The following KLF12 variants were observed in gnomAD, a reference collection of about 807,000 sequenced individuals.
The protein encoded by KLF12 is Krueppel-like factor 12.
Under a neutral mutation model 37.8 loss-of-function variants are expected in KLF12, and 9 were observed. The ratio of observed to expected loss-of-function variants is 0.24; its 90% confidence interval spans 0.14 to 0.42. The LOEUF is 0.42. KLF12 is among the 10% of genes least tolerant of loss of function. The pLI, the probability that KLF12 is intolerant of heterozygous loss-of-function variation, is 1.00. For missense variants in KLF12, 411 were observed against 516.0 expected (o/e 0.80, Z 1.97); for synonymous variants, 208 against 202.1 (o/e 1.03, Z -0.25).
intron 2 of KLF12, among the ~76,000 whole-genome samples, chr13:73,983,663 C>T (rs1185638946): frequency 6.6e-6 from 1 of 152,196 alleles, no homozygotes; most frequent in Non-Finnish European, 1.5e-5. Context: ...CAGAATCCTC[C>T]TTTTCCTCAT....
At chr13:74,046,451 T>C (rs989122927) in intron 1 of KLF12, among the ~76,000 whole-genome samples, 1 of 152,022 alleles carries the variant, frequency 6.6e-6, no homozygotes, top group African/African-American at 2.4e-5. Flanking sequence ...ATAAATATTA[T>C]AGGCTTTCAT....
intron 3 of KLF12, among the ~76,000 whole-genome samples, chr13:73,887,348 G>C (rs116882812): frequency 6.6e-6 from 1 of 152,156 alleles, no homozygotes; most frequent in Non-Finnish European, 1.5e-5. Flanking sequence ...GGGCCTGGTG[G>C]GAGCTAACTG....
chr13:73,998,032 C>T (rs1401718395), intron 1 of KLF12, among the ~76,000 whole-genome samples: 1 of 152,080 alleles, frequency 6.6e-6, no homozygotes, highest in African/African-American at 2.4e-5. Context: ...TTTTTAAATT[C>T]TTTCCTTTCT....
At chr13:74,134,819 G>T (rs192521794), upstream of KLF12, among the ~76,000 whole-genome samples, 1 of 151,778 alleles carries the variant, frequency 6.6e-6, no homozygotes, top group Admixed American at 6.5e-5. Context: ...CGTGCAGCCC[G>T]CTTGGGCCCC....
intron 1 of KLF12, among the ~76,000 whole-genome samples, chr13:74,058,718 A>G (rs1873403581): frequency 6.6e-6 from 1 of 152,184 alleles, no homozygotes; most frequent in Non-Finnish European, 1.5e-5. Flanking sequence ...AGTGTAAAAG[A>G]AGGAAAGACA....
the KLF12 span, among the ~76,000 whole-genome samples, chr13:74,206,828 G>T: frequency 1.3e-5 from 2 of 152,148 alleles, no homozygotes; most frequent in African/African-American, 2.4e-5. Context: ...AGAACAATGT[G>T]AATTGAAAGC....
At chr13:74,033,671 C>A (rs1398250493) in intron 1 of KLF12, among the ~76,000 whole-genome samples, 2 of 152,172 alleles carry the variant, frequency 1.3e-5, no homozygotes, top group African/African-American at 4.8e-5. Flanking sequence ...CAATGTGCCA[C>A]ATTTATGTAA....
In KLF12 at chr13:73,937,909, TA is replaced by T. The variant is rs950280946; in HGVS notation, c.123+6071del. ...GCAAGAGCAGATATTTCTTTCCGCT[TA>T]AAAAAAAAAATGGTCTTCTCACATT... On this transcript the variant is annotated intron_variant, in intron 3 of 7. Transcript: ENST00000377669. 4.7e-3 allele frequency among the ~76,000 whole-genome samples: 693 copies of T among 147,920 alleles called. 5 individuals carry two copies. Among genetic ancestry groups the T allele is most frequent in the Non-Finnish European group, 4.0e-3 (269 of 66,616 alleles).
At chr13:73,883,694 C>T (rs571110173) in intron 3 of KLF12, among the ~76,000 whole-genome samples, 8 of 152,068 alleles carry the variant, frequency 5.3e-5, no homozygotes, top group Non-Finnish European at 1.0e-4. Context: ...AGCTTATAAC[C>T]CAGTGTGACA....
intron 1 of KLF12, among the ~76,000 whole-genome samples, chr13:74,116,644 A>G (rs917075012): frequency 6.6e-6 from 1 of 152,210 alleles, no homozygotes; most frequent in African/African-American, 2.4e-5. Context: ...TTAATCTTAC[A>G]AAGATCAAAG....
intron 7 of KLF12, among the ~76,000 whole-genome samples, chr13:73,712,972 G>A (rs933970807): frequency 1.3e-5 from 2 of 152,184 alleles, no homozygotes; most frequent in African/African-American, 4.8e-5. Flanking sequence ...TTATTGGGAT[G>A]TCGGGAACTG....
rs1000792079 is a variant in KLF12 at position 73,701,218 on chromosome 13, C to T, written c.1028-5547G>A. Among the ~76,000 whole-genome samples, 10 of 152,114 alleles carry T rather than the reference C, an allele frequency of 6.6e-5. No individual in the cohort carries two copies. In the South Asian group the frequency reaches 1.0e-3, roughly 16 times the overall value. On this transcript the variant is annotated intron_variant, in intron 7 of 7. Transcript: ENST00000377669. ...GGCCTGGGCTGCTGCTGCACCTGGG[C>T]GACTCTGCATCAGGTTGAGCAGTGG...
the KLF12 span, among the ~76,000 whole-genome samples, chr13:74,180,741 C>A: frequency 6.6e-6 from 1 of 151,976 alleles, no homozygotes; most frequent in African/African-American, 2.4e-5. Context: ...TGGACTCCTG[C>A]CTCAGCTATA....
chr13:74,039,941 A>G (rs1893357344), intron 1 of KLF12, among the ~76,000 whole-genome samples: 1 of 152,260 alleles, frequency 6.6e-6, no homozygotes, highest in Admixed American at 6.5e-5. Context: ...CAATGTAAAA[A>G]GTATGGCTTG....
the KLF12 span, among the ~76,000 whole-genome samples, chr13:74,146,340 A>G: frequency 6.6e-6 from 1 of 152,200 alleles, no homozygotes; most frequent in Non-Finnish European, 1.5e-5. Flanking sequence ...CATCAGGAGC[A>G]ATACCTGCTT....
intron 3 of KLF12, among the ~76,000 whole-genome samples, chr13:73,880,144 C>G (rs1181965914): frequency 3.9e-5 from 6 of 152,098 alleles, no homozygotes; most frequent in Non-Finnish European, 8.8e-5. Context: ...GCACAAAGAC[C>G]CCTCCTCTCT....
chr13:74,288,813 C>T, the KLF12 span, among the ~76,000 whole-genome samples: 1 of 152,114 alleles, frequency 6.6e-6, no homozygotes, highest in East Asian at 1.9e-4. Context: ...GCCGGTCATG[C>T]AGCACTAGGG....
chr13:73,912,480 CAGG>C (rs1018923296), intron 3 of KLF12, among the ~76,000 whole-genome samples: 3 of 152,068 alleles, frequency 2.0e-5, no homozygotes, highest in East Asian at 1.9e-4. Flanking sequence ...CTTATAAGAA[CAGG>C]AGAAGAAACA....
At position 73,947,133 on chromosome 13, in the gene KLF12, TAC is replaced by T. The variant is rs937144198; in HGVS notation, c.34-3065_34-3064del. Among the ~76,000 whole-genome samples the T allele has an allele frequency of 5.9e-5, 9 of 152,350 alleles. No homozygotes were observed. The South Asian group carries it at 8.3e-4, about 14-fold the overall frequency. On this transcript the variant is annotated intron_variant, in intron 2 of 7. Transcript: ENST00000377669. ...CTGATTCCTAAGAGATGAATAAAAT[TAC>T]AGTTATCAATTTTAGTAATGTAGTA...
Sources: allele counts gnomAD v4.1 joint callset (sites outside exome capture counted in the v4.1 genomes callset), GRCh38; gene constraint gnomAD v4.1.1; transcripts MANE v1.5; gene names NCBI Gene and HGNC (gene_info 2026-07-23, HGNC 2026-07-21).